Variants in NKAIN3 observed in about 807,000 individuals in gnomAD.
NKAIN3 encodes the protein sodium/potassium transporting ATPase interacting 3.
A neutral mutation model predicts 30.2 loss-of-function variants in NKAIN3; 25 were observed. That is an observed-to-expected ratio of 0.83 (90% CI 0.60 to 1.16). NKAIN3 has a LOEUF of 1.16. Ranked by LOEUF, NKAIN3 falls within the 50% of genes most tolerant of loss-of-function variation. The probability of loss-of-function intolerance (pLI) is 0.00; values close to 1 mark genes in which losing one functional copy is unlikely to be tolerated. For synonymous variants in NKAIN3, 91 were observed against 89.6 expected, an observed-to-expected ratio of 1.02 and a Z score of -0.09; for missense variants, 225 against 254.1, an observed-to-expected ratio of 0.89 and a Z score of 0.78.
chr8:62,749,698 T>TG (rs1816210597), intron 4 of NKAIN3, among the ~76,000 whole-genome samples: 2 of 145,356 alleles, frequency 1.4e-5, no homozygotes, highest in African/African-American at 5.1e-5. Context: ...TTTTTTTTTT[T>TG]TAAGACGGAG....
chr8:62,540,164 G>A (rs1372989353), intron 1 of NKAIN3, among the ~76,000 whole-genome samples: 3 of 152,034 alleles, frequency 2.0e-5, no homozygotes, highest in African/African-American at 7.2e-5. Flanking sequence ...CTCTCAAAAG[G>A]AAACAATTTA....
chr8:62,402,584 T>C (rs564874283), intron 1 of NKAIN3, among the ~76,000 whole-genome samples: 95 of 152,316 alleles, frequency 6.2e-4, no homozygotes, highest in Admixed American at 2.5e-3. Flanking sequence ...TATAAGAGGC[T>C]TTTCCCTTTG....
At chr8:62,476,723 G>T (rs1345965455) in intron 1 of NKAIN3, among the ~76,000 whole-genome samples, 1 of 152,082 alleles carries the variant, frequency 6.6e-6, no homozygotes, top group Non-Finnish European at 1.5e-5. Context: ...CCAAAGTGCT[G>T]GGATTACAGG....
intron 4 of NKAIN3, among the ~76,000 whole-genome samples, chr8:62,806,158 G>C (rs1818272362): frequency 6.6e-6 from 1 of 152,142 alleles, no homozygotes; most frequent in Non-Finnish European, 1.5e-5. Context: ...GAAACAACAG[G>C]TGCTGGAGAA....
intron 1 of NKAIN3, among the ~76,000 whole-genome samples, chr8:62,451,043 T>A (rs994969839): frequency 1.3e-4 from 20 of 152,328 alleles, no homozygotes; most frequent in Admixed American, 8.5e-4. Context: ...ATTAATTTTT[T>A]AAATATTGAA....
intron 1 of NKAIN3, among the ~76,000 whole-genome samples, chr8:62,572,301 A>G (rs1342327885): frequency 1.3e-5 from 2 of 152,178 alleles, no homozygotes; most frequent in Admixed American, 1.3e-4. Flanking sequence ...AACAAGTTCC[A>G]CATCTCCTTC....
intron 5 of NKAIN3, among the ~76,000 whole-genome samples, chr8:62,995,305 G>A (rs1015955966): frequency 1.3e-5 from 2 of 152,186 alleles, no homozygotes; most frequent in African/African-American, 4.8e-5. Context: ...TATTTCAAAT[G>A]TCTGTCCTCT....
At chr8:62,809,440 G>A (rs542998727) in intron 4 of NKAIN3, among the ~76,000 whole-genome samples, 5 of 152,232 alleles carry the variant, frequency 3.3e-5, no homozygotes, top group South Asian at 2.1e-4. Context: ...CTAATTTGGG[G>A]AACTAATAAA....
At chr8:62,456,321 A>G (rs532423116) in intron 1 of NKAIN3, among the ~76,000 whole-genome samples, 1 of 152,162 alleles carries the variant, frequency 6.6e-6, no homozygotes, top group Admixed American at 6.5e-5. Flanking sequence ...GGAGATCGAG[A>G]CCATCTGGCT....
intron 5 of NKAIN3, among the ~76,000 whole-genome samples, chr8:62,998,798 G>A (rs1313710802): frequency 6.6e-6 from 1 of 152,124 alleles, no homozygotes; most frequent in African/African-American, 2.4e-5. Context: ...AACTACCACT[G>A]CATCACAATC....
intron 4 of NKAIN3, among the ~76,000 whole-genome samples, chr8:62,843,307 A>G (rs1819583928): frequency 1.3e-5 from 2 of 149,072 alleles, no homozygotes; most frequent in Non-Finnish European, 3.0e-5. Context: ...TCTTTTTTTA[A>G]TTAATTAATT....
Position 62,522,365 on chromosome 8 carries a change from TA to T in NKAIN3, c.55-57173del, listed in dbSNP as rs1393738197. Among the ~76,000 whole-genome samples the T allele has an allele frequency of 7.9e-5, 12 of 152,286 alleles. No homozygotes were observed. The East Asian group carries it at 2.3e-3, about 29-fold the overall frequency. ...ATGAAAGTATAGCTATACAATTATG[TA>T]CAGCAAAAATACTTGATAATGATAG... On this transcript the variant is annotated intron_variant, in intron 1 of 6. Coordinates refer to ENST00000623646, the MANE Select transcript of NKAIN3 (RefSeq NM_001304533.3).
At position 62,870,315 on chromosome 8, in the gene NKAIN3, G is replaced by C. The variant is rs1055263745; in HGVS notation, c.472-48138G>C. ...AGATATATATACATCTATATATAGA[G>C]AGATATATAAACTCTATTTTGTATG... On this transcript the variant is annotated intron_variant, in intron 4 of 6. Coordinates refer to ENST00000623646, the MANE Select transcript of NKAIN3 (RefSeq NM_001304533.3). Among the ~76,000 whole-genome samples the C allele has an allele frequency of 2.9e-4, 13 of 44,100 alleles. 1 individual carries two copies. The highest frequency in any genetic ancestry group is 2.3e-4 in the Non-Finnish European group (5 of 21,850). The allele number at this position is 44,100 out of a possible 152,430, so 28.9% of individuals were successfully genotyped here.
At chr8:62,288,134 T>C (rs1406012476) in intron 1 of NKAIN3, among the ~76,000 whole-genome samples, 2 of 152,172 alleles carry the variant, frequency 1.3e-5, no homozygotes, top group African/African-American at 4.8e-5. Flanking sequence ...TTTGGTAGAA[T>C]CACATTCTGC....
chr8:62,307,885 G>C (rs1331624002), intron 1 of NKAIN3, among the ~76,000 whole-genome samples: 1 of 150,610 alleles, frequency 6.6e-6, no homozygotes, highest in Non-Finnish European at 1.5e-5. Flanking sequence ...AGGTTGGATA[G>C]AGAGTTAAGC....
At chr8:62,703,367 CA>C (rs1165276833) in intron 3 of NKAIN3, among the ~76,000 whole-genome samples, 1 of 151,888 alleles carries the variant, frequency 6.6e-6, no homozygotes, top group Non-Finnish European at 1.5e-5. Context: ...AACATTTTAG[CA>C]AGATAATTAT....
At chr8:62,591,664 C>A (rs186766633) in intron 3 of NKAIN3, among the ~76,000 whole-genome samples, 1 of 151,932 alleles carries the variant, frequency 6.6e-6, no homozygotes, top group African/African-American at 2.4e-5. Flanking sequence ...ATTTTATTAC[C>A]TATTTAAATG....
rs1260170470 is a variant in NKAIN3 at position 62,996,256 on chromosome 8, G to A, written c.533-2975G>A. Among the ~76,000 whole-genome samples the A allele has an allele frequency of 6.6e-5, 10 of 152,220 alleles. No homozygotes were observed. The South Asian group carries it at 1.2e-3, about 19-fold the overall frequency. On this transcript the variant is annotated intron_variant, in intron 5 of 5. Coordinates refer to the NKAIN3 transcript ENST00000519049. Reference sequence around the variant, plus strand: ...AGAAGGCGAAAGGGAATGAAGGCACGGCTTACATGGTGGCAGGAGAGAGAC... The same window carrying A: ...AGAAGGCGAAAGGGAATGAAGGCACAGCTTACATGGTGGCAGGAGAGAGAC...
At chr8:62,422,517 A>T (rs1350040887) in intron 1 of NKAIN3, among the ~76,000 whole-genome samples, 4 of 152,170 alleles carry the variant, frequency 2.6e-5, no homozygotes, top group African/African-American at 4.8e-5. Context: ...CTTGGTTTTA[A>T]GTATTCTACA....
Sources: allele counts gnomAD v4.1 joint callset (sites outside exome capture counted in the v4.1 genomes callset), GRCh38; gene constraint gnomAD v4.1.1; transcripts MANE v1.5; gene names NCBI Gene and HGNC (gene_info 2026-07-23, HGNC 2026-07-21).